PHACTR1: variants seen among roughly 807,000 people sequenced by gnomAD.
PHACTR1 encodes RPEL repeat containing 1.
A neutral mutation model predicts 69.2 loss-of-function variants in PHACTR1; 16 were observed. The ratio of observed to expected loss-of-function variants is 0.23; its 90% CI spans 0.16 to 0.35. The LOEUF (loss-of-function observed/expected upper bound fraction) is 0.35. Ranked by LOEUF, PHACTR1 falls within the 10% of genes least tolerant of loss-of-function variation. PHACTR1 has a pLI of 1.00. For synonymous variants in PHACTR1, 312 were observed against 284.5 expected (o/e 1.10, Z -0.97); for missense variants, 510 against 734.7 (o/e 0.69, Z 3.54).
intron 4 of PHACTR1, among the ~76,000 whole-genome samples, chr6:13,005,120 AG>A (rs1798625325): frequency 6.6e-6 from 1 of 151,684 alleles, no homozygotes; most frequent in Non-Finnish European, 1.5e-5. Context: ...CTTCCCTGCT[AG>A]TGGTCTTTCT....
chr6:13,211,973 C>G (rs1766915690), intron 8 of PHACTR1, among the ~76,000 whole-genome samples: 1 of 152,200 alleles, frequency 6.6e-6, no homozygotes, highest in Admixed American at 6.5e-5. Flanking sequence ...TCTTTCAGTT[C>G]TGGACGCTAG....
chr6:13,119,114 A>T (rs538650547), intron 5 of PHACTR1, among the ~76,000 whole-genome samples: 1 of 152,286 alleles, frequency 6.6e-6, no homozygotes, highest in South Asian at 2.1e-4. Context: ...TAAAAAAAAT[A>T]GTTTTTTTAA....
At chr6:13,254,430 ATGG>A (rs1359747430) in intron 10 of PHACTR1, among the ~76,000 whole-genome samples, 4 of 152,210 alleles carry the variant, frequency 2.6e-5, no homozygotes, top group African/African-American at 9.6e-5. Context: ...TTAAAGAGAA[ATGG>A]TGCAAAGGTC....
chr6:12,844,135 C>A (rs530730837), intron 4 of PHACTR1, among the ~76,000 whole-genome samples: 1 of 152,270 alleles, frequency 6.6e-6, no homozygotes, highest in African/African-American at 2.4e-5. Context: ...TGGCTCATAC[C>A]TATAATCCCA....
At position 13,088,323 on chromosome 6, in the gene PHACTR1, CA is replaced by C. The variant is rs56960328; in HGVS notation, c.415+34804del. ...CCCCACCACGCCCCACTACCCCCCGCAAAAAAAAAACCCTCAGTACTCAGAG... is the reference window on the plus strand; with the variant it reads ...CCCCACCACGCCCCACTACCCCCCGCAAAAAAAAACCCTCAGTACTCAGAG... On this transcript the variant is annotated intron_variant, in intron 5 of 14. Coordinates refer to ENST00000332995, the MANE Select transcript of PHACTR1 (RefSeq NM_030948.6). 8.5e-5 allele frequency among the ~76,000 whole-genome samples: 12 copies of C among 141,074 alleles called. No individual in the cohort carries two copies. The East Asian group carries it at 1.4e-3, about 17-fold the overall frequency. 92.6% of individuals were successfully genotyped at this position (141,074 alleles called of 152,430 possible).
intron 5 of PHACTR1, among the ~76,000 whole-genome samples, chr6:13,156,663 C>CT (rs1413094366): frequency 1.3e-5 from 2 of 152,328 alleles, no homozygotes; most frequent in East Asian, 3.9e-4. Flanking sequence ...CTAGCACATG[C>CT]TTGATAACGT....
chr6:13,203,788 A>G (rs1765547803), intron 7 of PHACTR1, among the ~76,000 whole-genome samples: 1 of 152,160 alleles, frequency 6.6e-6, no homozygotes, highest in African/African-American at 2.4e-5. Context: ...GTGAGGGTGG[A>G]TGGTCTGGGT....
chr6:13,148,464 C>A (rs1439476359), intron 5 of PHACTR1, among the ~76,000 whole-genome samples: 1 of 152,178 alleles, frequency 6.6e-6, no homozygotes, highest in African/African-American at 2.4e-5. Flanking sequence ...TTCATATTTA[C>A]CTAGCTGACC....
At chr6:13,188,481 AAC>A (rs1176872662) in intron 7 of PHACTR1, among the ~76,000 whole-genome samples, 1 of 152,166 alleles carries the variant, frequency 6.6e-6, no homozygotes, top group Non-Finnish European at 1.5e-5. Context: ...TTTGAAAGGA[AAC>A]ACAGGACAAT....
chr6:12,914,590 C>A (rs976435482), intron 4 of PHACTR1, among the ~76,000 whole-genome samples: 3 of 152,110 alleles, frequency 2.0e-5, no homozygotes, highest in Non-Finnish European at 4.4e-5. Flanking sequence ...GTAGCAATTG[C>A]AAATATGAAT....
chr6:13,059,709 G>A (rs1008060242), intron 5 of PHACTR1, among the ~76,000 whole-genome samples: 2 of 152,110 alleles, frequency 1.3e-5, no homozygotes, highest in Admixed American at 6.6e-5. Context: ...CCTAATGTTG[G>A]TTTATGGTGG....
intron 5 of PHACTR1, among the ~76,000 whole-genome samples, chr6:13,141,120 A>T (rs1822372744): frequency 6.6e-6 from 1 of 152,182 alleles, no homozygotes; most frequent in Non-Finnish European, 1.5e-5. Context: ...TGGGTTTGAC[A>T]GTTTGCATTT....
intron 5 of PHACTR1, among the ~76,000 whole-genome samples, chr6:13,081,969 C>T (rs1337602634): frequency 6.6e-6 from 1 of 152,268 alleles, no homozygotes; most frequent in East Asian, 1.9e-4. Flanking sequence ...CCTAGGTTAA[C>T]AATTCACAAA....
intron 5 of PHACTR1, among the ~76,000 whole-genome samples, chr6:13,062,425 T>G (rs1381314731): frequency 6.6e-6 from 1 of 152,212 alleles, no homozygotes; most frequent in Non-Finnish European, 1.5e-5. Context: ...TTCCTTTATG[T>G]CTTCCATCAA....
intron 4 of PHACTR1, among the ~76,000 whole-genome samples, chr6:12,981,867 T>C (rs1795562418): frequency 6.6e-6 from 1 of 152,198 alleles, no homozygotes; most frequent in Admixed American, 6.5e-5. Context: ...ATTCCCAGGG[T>C]CTAGATCAGG....
At chr6:12,951,095 T>G (rs1791237706) in intron 4 of PHACTR1, among the ~76,000 whole-genome samples, 1 of 152,124 alleles carries the variant, frequency 6.6e-6, no homozygotes, top group East Asian at 1.9e-4. Context: ...AAAAAGCAAT[T>G]TGAAAAATGG....
chr6:12,829,213 A>G (rs1777142451), intron 4 of PHACTR1, among the ~76,000 whole-genome samples: 1 of 152,350 alleles, frequency 6.6e-6, no homozygotes, highest in Middle Eastern at 3.4e-3. Context: ...CAGCAAGGCA[A>G]TGCCTGATCA....
At chr6:12,822,998 C>A (rs1403681555) in intron 4 of PHACTR1, among the ~76,000 whole-genome samples, 1 of 152,102 alleles carries the variant, frequency 6.6e-6, no homozygotes, top group Non-Finnish European at 1.5e-5. Flanking sequence ...ACCCATGGAG[C>A]CTCATTAATA....
At chr6:12,950,963 C>T (rs1791216997) in intron 4 of PHACTR1, among the ~76,000 whole-genome samples, 1 of 152,188 alleles carries the variant, frequency 6.6e-6, no homozygotes, top group African/African-American at 2.4e-5. Flanking sequence ...GACACAAATT[C>T]CACATGGTGC....
Sources: gnomAD v4.1 joint callset for allele counts (sites outside exome capture counted in the v4.1 genomes callset) on GRCh38, gnomAD v4.1.1 for gene constraint, MANE v1.5 for transcripts, NCBI Gene and HGNC (gene_info 2026-07-23, HGNC 2026-07-21) for gene names.